Variants in ANO1 observed in about 807,000 individuals in gnomAD.
The protein encoded by ANO1 is anoctamin 1.
In ANO1, 59 loss-of-function variants were observed where a neutral mutation model predicts 124.0. That is an observed-to-expected ratio of 0.48 (90% CI 0.39 to 0.59). The LOEUF (loss-of-function observed/expected upper bound fraction) is 0.59, where lower values mean the gene tolerates loss of function less well. Among genes scored for constraint, ANO1 ranks in the 20% least tolerant of loss-of-function variants. The pLI, the probability that ANO1 is intolerant of heterozygous loss-of-function variation, is 0.00. For synonymous variants in ANO1, 529 were observed against 532.0 expected, an observed-to-expected ratio of 0.99 and a Z score of 0.08; for missense variants, 1,059 against 1,328.0, an observed-to-expected ratio of 0.80 and a Z score of 3.15.
At chr11:70,082,279 C>T (rs2135187350) in intron 1 of ANO1, among the ~76,000 whole-genome samples, 1 of 152,356 alleles carries the variant, frequency 6.6e-6, no homozygotes, top group Non-Finnish European at 1.5e-5. Flanking sequence ...AATAAGAGGG[C>T]TGGGTGCCAT....
chr11:70,059,042 A>G (rs1857506879), intron 1 of ANO1, among the ~76,000 whole-genome samples: 1 of 151,966 alleles, frequency 6.6e-6, no homozygotes, highest in South Asian at 2.1e-4. Context: ...AACACAAAAA[A>G]TTAGCTGGGC....
At chr11:70,079,136 G>T (rs892165691) in intron 1 of ANO1, among the ~76,000 whole-genome samples, 1 of 152,164 alleles carries the variant, frequency 6.6e-6, no homozygotes, top group Non-Finnish European at 1.5e-5. Flanking sequence ...GTGATGGTGG[G>T]GGTCTTGGGT....
Position 70,088,051 on chromosome 11 carries a change from G to C in ANO1, c.408G>C (p.Leu136=). The C allele has an allele frequency of 6.9e-7, 1 of 1,440,830 alleles. No individual in the cohort carries two copies. The highest frequency in any genetic ancestry group is 1.4e-5 in the African/African-American group (1 of 69,072). 89.3% of individuals were successfully genotyped at this position (1,440,830 alleles called of 1,614,324 possible). The change falls in exon 2 of 26, where the codon CTG becomes CTC. Residue 136 remains leucine, a synonymous_variant. Transcript: ENST00000355303. ...FRREEYEGNL[L]EAGLELERDE... ...GGGAGGAGTACGAGGGCAACCTCCTGGAGGCGGGCCTGGAGCTGGAGCGGG... is the reference window on the plus strand; with the variant it reads ...GGGAGGAGTACGAGGGCAACCTCCTCGAGGCGGGCCTGGAGCTGGAGCGGG...
At chr11:69,969,980 C>T in the ANO1 span, among the ~76,000 whole-genome samples, 1 of 152,010 alleles carries the variant, frequency 6.6e-6, no homozygotes, top group African/African-American at 2.4e-5. Context: ...GAAAGAGAGA[C>T]CTGGATGCAG....
At chr11:70,147,971 G>T (rs1011540884) in intron 11 of ANO1, among the ~76,000 whole-genome samples, 1 of 152,134 alleles carries the variant, frequency 6.6e-6, no homozygotes, top group Non-Finnish European at 1.5e-5. Flanking sequence ...TCGGCGGGGG[G>T]TTCCTATTTC....
intron 1 of ANO1, among the ~76,000 whole-genome samples, chr11:70,001,695 G>T (rs1856384434): frequency 2.0e-5 from 3 of 152,200 alleles, no homozygotes; most frequent in Admixed American, 1.3e-4. Flanking sequence ...GGGTGCATGG[G>T]CATGTGTTAG....
At chr11:70,165,966 G>A (rs2048239881) in intron 20 of ANO1, among the ~76,000 whole-genome samples, 1 of 152,124 alleles carries the variant, frequency 6.6e-6, no homozygotes, top group Non-Finnish European at 1.5e-5. Context: ...GCTGCAGTGA[G>A]CTATGATTGT....
At chr11:70,000,750 G>T (rs971539842) in intron 1 of ANO1, among the ~76,000 whole-genome samples, 25 of 151,884 alleles carry the variant, frequency 1.6e-4, no homozygotes, top group African/African-American at 6.0e-4. Flanking sequence ...GGAAGCTCCT[G>T]CAGAGACTGT....
At chr11:70,078,857 G>A in intron 1 of ANO1, 143 bp downstream of exon 1, 1 of 302,288 alleles carries the variant, frequency 3.3e-6, no homozygotes, top group South Asian at 1.4e-4. Context: ...GCCCACCCGC[G>A]CACGTGCGTG....
upstream of ANO1, among the ~76,000 whole-genome samples, chr11:69,984,699 G>T (rs1350851098): frequency 1.3e-5 from 2 of 152,100 alleles, no homozygotes; most frequent in African/African-American, 4.8e-5. Context: ...AGGGGTAGCC[G>T]GGTCTGTCTC....
intron 1 of ANO1, among the ~76,000 whole-genome samples, chr11:70,040,981 T>C (rs2135056474): frequency 6.6e-6 from 1 of 152,292 alleles, no homozygotes; most frequent in Non-Finnish European, 1.5e-5. Flanking sequence ...GTGGAGAGGT[T>C]CTGGGAGCTT....
chr11:70,002,424 A>G (rs1345874843), intron 1 of ANO1, among the ~76,000 whole-genome samples: 4 of 140,128 alleles, frequency 2.9e-5, no homozygotes, highest in Non-Finnish European at 6.1e-5. Flanking sequence ...AGATAGAGCC[A>G]TTGCACTCCA....
At chr11:69,987,606 A>G (rs1456313868) in intron 1 of ANO1, among the ~76,000 whole-genome samples, 11 of 2,162 alleles carry the variant, frequency 5.1e-3, no homozygotes, top group African/African-American at 0.013. Flanking sequence ...CCATGTCTCA[A>G]AAAAAAAAAA....
chr11:70,166,679 G>A (rs2048267447), intron 20 of ANO1, among the ~76,000 whole-genome samples: 1 of 152,066 alleles, frequency 6.6e-6, no homozygotes, highest in Admixed American at 6.6e-5. Flanking sequence ...ATGCCTGCTG[G>A]GCCCTCCTGT....
chr11:70,088,043 A>G lies in ANO1; in HGVS notation c.400A>G (p.Asn134Asp). 1 of 1,453,928 alleles carries G rather than the reference A, an allele frequency of 6.9e-7. No individual in the cohort carries two copies. The highest frequency in any genetic ancestry group is 1.5e-5 in the South Asian group (1 of 65,604). 90.1% of individuals were successfully genotyped at this position (1,453,928 alleles called of 1,614,324 possible). The change falls in exon 2 of 26, where the codon AAC (asparagine) becomes GAC (aspartate). Residue 134 changes from asparagine (N) to aspartate (D), a missense_variant. Asn to Asp is a conservative substitution (Grantham distance 23). Transcript: ENST00000355303. ...KRFRREEYEG[N>D]LLEAGLELER... ...CTTCCGCAGGGAGGAGTACGAGGGC[A>G]ACCTCCTGGAGGCGGGCCTGGAGCT...
intron 24 of ANO1, among the ~76,000 whole-genome samples, chr11:70,185,192 C>A (rs1169208239): frequency 6.6e-6 from 1 of 152,208 alleles, no homozygotes; most frequent in African/African-American, 2.4e-5. Flanking sequence ...CAAGTAGGCT[C>A]TGCACTCTTG....
At chr11:70,165,011 G>C (rs1217565882) in intron 19 of ANO1, among the ~76,000 whole-genome samples, 2 of 152,298 alleles carry the variant, frequency 1.3e-5, no homozygotes, top group Non-Finnish European at 2.9e-5. Flanking sequence ...AACAGAGATG[G>C]GGGTCTCACA....
chr11:69,975,929 C>T, the ANO1 span, among the ~76,000 whole-genome samples: 1 of 152,114 alleles, frequency 6.6e-6, no homozygotes, highest in East Asian at 1.9e-4. Flanking sequence ...TGTGTTGAGA[C>T]CCTCGGTGCC....
At chr11:70,097,884 G>A (rs962557209) in intron 2 of ANO1, among the ~76,000 whole-genome samples, 3 of 152,188 alleles carry the variant, frequency 2.0e-5, no homozygotes, top group African/African-American at 7.2e-5. Context: ...AGATAAGCCT[G>A]GCTTCAGACC....
Sources: allele counts gnomAD v4.1 joint callset (sites outside exome capture counted in the v4.1 genomes callset), GRCh38; gene constraint gnomAD v4.1.1; transcripts MANE v1.5; gene names NCBI Gene and HGNC (gene_info 2026-07-23, HGNC 2026-07-21).